The following NAALADL2 variants were observed in gnomAD, a reference collection of about 807,000 sequenced individuals.
The protein encoded by NAALADL2 is N-acetylated alpha-linked acidic dipeptidase like 2.
In NAALADL2, 76 loss-of-function variants were observed where a neutral mutation model predicts 87.2. The observed-to-expected ratio is 0.87, with a 90% CI of 0.72 to 1.05. NAALADL2 has a LOEUF of 1.05. Ranked by LOEUF, NAALADL2 falls within the 50% of genes least tolerant of loss-of-function variation. The pLI is 0.00. For synonymous variants in NAALADL2, 354 were observed against 331.0 expected (o/e 1.07, Z -0.75); for missense variants, 1,089 against 945.8 (o/e 1.15, Z -1.99).
At chr3:174,538,622 G>T (rs930482897) in intron 1 of NAALADL2, among the ~76,000 whole-genome samples, 1 of 152,058 alleles carries the variant, frequency 6.6e-6, no homozygotes, top group Non-Finnish European at 1.5e-5. Context: ...TAAGATTCTG[G>T]CATTTTTTTA....
chr3:174,560,664 A>G (rs1190990283), intron 2 of NAALADL2, among the ~76,000 whole-genome samples: 2 of 152,184 alleles, frequency 1.3e-5, no homozygotes, highest in Admixed American at 1.3e-4. Flanking sequence ...TAGTGTTTCC[A>G]GTTCACCTGG....
rs758185256 is a variant in NAALADL2 at position 174,909,346 on chromosome 3, G to A, written c.43+49896G>A. ...GGAGACAGAGGTCGCCATGAGCCAA[G>A]ACAGTGCCATTGCACTCCAGCCTGG... On this transcript the variant is annotated intron_variant, in intron 1 of 13. Coordinates refer to ENST00000454872, the MANE Select transcript of NAALADL2 (RefSeq NM_207015.3). Among the ~76,000 whole-genome samples, 41 of 152,072 alleles carry A rather than the reference G, an allele frequency of 2.7e-4. 1 individual carries two copies. Among genetic ancestry groups the A allele is most frequent in the Admixed American group, 2.0e-4 (3 of 15,270 alleles).
At chr3:175,694,044 A>G (rs1350171424) in intron 11 of NAALADL2, among the ~76,000 whole-genome samples, 1 of 152,118 alleles carries the variant, frequency 6.6e-6, no homozygotes, top group African/African-American at 2.4e-5. Flanking sequence ...TGTTTCTCAC[A>G]GATTTTTAAA....
At chr3:174,785,272 T>C (rs930163076) in intron 3 of NAALADL2, among the ~76,000 whole-genome samples, 1 of 152,186 alleles carries the variant, frequency 6.6e-6, no homozygotes, top group Non-Finnish European at 1.5e-5. Flanking sequence ...AAAATAATTG[T>C]GGTTTTTGCC....
intron 10 of NAALADL2, among the ~76,000 whole-genome samples, chr3:175,611,419 G>T (rs544261046): frequency 6.6e-6 from 1 of 151,726 alleles, no homozygotes; most frequent in African/African-American, 2.4e-5. Context: ...ACTTGAAATC[G>T]CCCTTCAATT....
chr3:175,579,501 G>A (rs1719430758), intron 10 of NAALADL2, among the ~76,000 whole-genome samples: 1 of 151,996 alleles, frequency 6.6e-6, no homozygotes, highest in South Asian at 2.1e-4. Flanking sequence ...GCTTTTCTTG[G>A]CCTCTATACT....
At chr3:175,494,116 A>T (rs1231463359) in intron 9 of NAALADL2, among the ~76,000 whole-genome samples, 2 of 151,902 alleles carry the variant, frequency 1.3e-5, no homozygotes, top group Admixed American at 1.3e-4. Context: ...TTATACTGTG[A>T]GTTTTATCTC....
intron 11 of NAALADL2, among the ~76,000 whole-genome samples, chr3:175,669,786 A>C (rs1733683876): frequency 6.6e-6 from 1 of 151,998 alleles, no homozygotes. Context: ...TATTCATTTA[A>C]ATAGTGTATT....
At chr3:175,634,273 C>T (rs1315497325) in intron 11 of NAALADL2, among the ~76,000 whole-genome samples, 3 of 151,974 alleles carry the variant, frequency 2.0e-5, no homozygotes, top group Non-Finnish European at 2.9e-5. Context: ...TTTATATTTG[C>T]TAACATACTA....
At chr3:174,781,266 C>T (rs1171045161) in intron 3 of NAALADL2, among the ~76,000 whole-genome samples, 1 of 151,840 alleles carries the variant, frequency 6.6e-6, no homozygotes, top group African/African-American at 2.4e-5. Flanking sequence ...CTTGAGGTTG[C>T]TCTTCTTGAG....
At chr3:174,679,129 C>T (rs1209281371) in intron 2 of NAALADL2, among the ~76,000 whole-genome samples, 2 of 152,078 alleles carry the variant, frequency 1.3e-5, no homozygotes. Flanking sequence ...TCTCTTCTGA[C>T]GTTGTCTGTC....
chr3:175,452,786 AG>A (rs1721770738), intron 6 of NAALADL2, among the ~76,000 whole-genome samples: 1 of 152,182 alleles, frequency 6.6e-6, no homozygotes, highest in Non-Finnish European at 1.5e-5. Context: ...AAAAGGAAAA[AG>A]AGCTTCAGAA....
chr3:175,494,663 A>T (rs1440504126), intron 9 of NAALADL2, among the ~76,000 whole-genome samples: 1 of 152,078 alleles, frequency 6.6e-6, no homozygotes, highest in East Asian at 1.9e-4. Context: ...CACTGATGTG[A>T]CTAATACCCA....
chr3:175,760,229 C>T (rs1328302073), intron 13 of NAALADL2, among the ~76,000 whole-genome samples: 3 of 152,084 alleles, frequency 2.0e-5, no homozygotes, highest in Non-Finnish European at 4.4e-5. Context: ...CTGGAAAGGG[C>T]CTCCCCTCTG....
intron 1 of NAALADL2, among the ~76,000 whole-genome samples, chr3:174,962,394 A>ATG (rs1250448851): frequency 9.5e-6 from 1 of 104,878 alleles, no homozygotes; most frequent in Non-Finnish European, 2.0e-5. Context: ...ATATATATAT[A>ATG]TGTCATAGTG....
chr3:174,742,408 C>A (rs1733849170), intron 3 of NAALADL2, among the ~76,000 whole-genome samples: 1 of 151,694 alleles, frequency 6.6e-6, no homozygotes, highest in South Asian at 2.1e-4. Context: ...CCAGATCAGT[C>A]ATGGGCTTCA....
intron 11 of NAALADL2, among the ~76,000 whole-genome samples, chr3:175,659,536 T>C (rs1460461595): frequency 6.6e-6 from 1 of 152,212 alleles, no homozygotes; most frequent in Non-Finnish European, 1.5e-5. Context: ...TATTGGAATA[T>C]TGTATCACCA....
chr3:175,756,913 ATAAT>A (rs1397549805), intron 13 of NAALADL2, among the ~76,000 whole-genome samples: 2 of 151,586 alleles, frequency 1.3e-5, no homozygotes, highest in Admixed American at 6.6e-5. Flanking sequence ...ATATACATAT[ATAAT>A]ATGTGTATTT....
At chr3:175,545,121 A>T (rs1487491011) in intron 9 of NAALADL2, among the ~76,000 whole-genome samples, 2 of 152,186 alleles carry the variant, frequency 1.3e-5, no homozygotes, top group Non-Finnish European at 2.9e-5. Flanking sequence ...AGCAGATATT[A>T]TTATACTCAT....
Sources: allele counts gnomAD v4.1 joint callset (sites outside exome capture counted in the v4.1 genomes callset), GRCh38; gene constraint gnomAD v4.1.1; transcripts MANE v1.5; gene names NCBI Gene and HGNC (gene_info 2026-07-23, HGNC 2026-07-21).